Variants in RALGPS1 observed in about 807,000 individuals in gnomAD.
The protein encoded by RALGPS1 is Ral GEF with PH domain and SH3 binding motif 1, also known as ras-specific guanine nucleotide-releasing factor RalGPS1.
RALGPS1 carries 19 observed loss-of-function variants against 78.8 expected under a neutral mutation model. The ratio of observed to expected loss-of-function variants is 0.24; its 90% CI spans 0.17 to 0.35. The LOEUF (loss-of-function observed/expected upper bound fraction) is 0.35. Ranked by LOEUF, RALGPS1 falls within the 10% of genes least tolerant of loss-of-function variation. RALGPS1 has a pLI of 1.00. For synonymous variants in RALGPS1, 228 were observed against 256.3 expected (o/e 0.89, Z 1.06); for missense variants, 454 against 688.3 (o/e 0.66, Z 3.81).
chr9:126,933,702 C>A (rs1340554662), intron 1 of RALGPS1, among the ~76,000 whole-genome samples: 1 of 152,040 alleles, frequency 6.6e-6, no homozygotes, highest in Non-Finnish European at 1.5e-5. Context: ...TGGTGGTGCA[C>A]AGGTGTAGAG....
intron 3 of RALGPS1, among the ~76,000 whole-genome samples, chr9:126,972,314 G>A (rs2040196657): frequency 6.6e-6 from 1 of 152,088 alleles, no homozygotes; most frequent in Non-Finnish European, 1.5e-5. Flanking sequence ...CTTAAAAACT[G>A]GTAAATATGA....
chr9:126,946,284 C>G (rs1400127293), intron 1 of RALGPS1, among the ~76,000 whole-genome samples: 1 of 152,116 alleles, frequency 6.6e-6, no homozygotes, highest in African/African-American at 2.4e-5. Context: ...GAGGCTCATG[C>G]CTCACTCGGG....
chr9:127,208,849 C>T (rs1017153021), intron 14 of RALGPS1, among the ~76,000 whole-genome samples: 2 of 152,206 alleles, frequency 1.3e-5, no homozygotes, highest in Non-Finnish European at 2.9e-5. Flanking sequence ...CACTGTCTCA[C>T]GCAAAGGGAG....
rs563225595 is a variant in RALGPS1, at chr9:127,001,816, G to A, written c.216+24071G>A. Among the ~76,000 whole-genome samples the A allele has an allele frequency of 8.5e-5, 13 of 152,228 alleles. No individual in the cohort carries two copies. The East Asian group carries it at 1.7e-3, about 20-fold the overall frequency. On this transcript the variant is annotated intron_variant, in intron 4 of 18. Transcript: ENST00000259351. ...GGAGAATTGCTTGAACCTGGGAGGCGGAGGTTGCAGTGAGCCGAGATCGTG... is the reference window on the plus strand; with the variant it reads ...GGAGAATTGCTTGAACCTGGGAGGCAGAGGTTGCAGTGAGCCGAGATCGTG...
intron 5 of RALGPS1, among the ~76,000 whole-genome samples, chr9:127,048,467 T>C (rs17446804): frequency 0.38 from 57,907 of 152,046 alleles, 12,756 homozygotes; most frequent in Non-Finnish European, 0.48. Context: ...GCCTCCTCCT[T>C]TGGTCACCTC....
At chr9:127,058,484 G>C (rs2048932751) in intron 7 of RALGPS1, among the ~76,000 whole-genome samples, 1 of 152,140 alleles carries the variant, frequency 6.6e-6, no homozygotes, top group Non-Finnish European at 1.5e-5. Context: ...GCAGGATCAG[G>C]GTATGGCTGG....
rs570101150 is a variant in RALGPS1, at chr9:127,034,422, G to C, written c.217-9G>C. ...GAATCACTGTTGAAATTCATTCTGT[G>C]CTTCCTAGGAACTAGCCAGCTGTGG... On this transcript the variant is annotated splice_polypyrimidine_tract_variant and intron_variant, in intron 4 of 18. Coordinates refer to ENST00000259351, the MANE Select transcript of RALGPS1 (RefSeq NM_014636.3). 10 of 1,612,828 alleles carry C rather than the reference G, an allele frequency of 6.2e-6. No individual in the cohort carries two copies. The highest frequency in any genetic ancestry group is 1.7e-6 in the Non-Finnish European group (2 of 1,179,008).
intron 4 of RALGPS1, among the ~76,000 whole-genome samples, chr9:126,979,156 C>G (rs17446161): frequency 0.38 from 57,441 of 151,942 alleles, 12,685 homozygotes; most frequent in Non-Finnish European, 0.48. Context: ...ACCTAGTCTA[C>G]TAAAAATTAG....
At chr9:126,999,452 A>C (rs7847182) in intron 4 of RALGPS1, among the ~76,000 whole-genome samples, 2,311 of 152,314 alleles carry the variant, frequency 0.015, 62 homozygotes, top group African/African-American at 0.053. Flanking sequence ...TAGTTTTACT[A>C]TTCTAAAATC....
chr9:126,984,713 A>G (rs1023955010), intron 4 of RALGPS1, among the ~76,000 whole-genome samples: 2 of 152,152 alleles, frequency 1.3e-5, no homozygotes, highest in African/African-American at 4.8e-5. Flanking sequence ...TGGCTCCTGT[A>G]TCCTTTTAAT....
Position 127,218,287 on chromosome 9 carries a change from T to C in RALGPS1, c.1645-453T>C, listed in dbSNP as rs2062679855. ...ATCCCTGAACTGACTCTTTCTCCCATGCTTCCCTTTGCCAACTCCAGCCAC... is the reference window on the plus strand; with the variant it reads ...ATCCCTGAACTGACTCTTTCTCCCACGCTTCCCTTTGCCAACTCCAGCCAC... On this transcript the variant is annotated intron_variant, in intron 18 of 18. Coordinates refer to ENST00000259351, the MANE Select transcript of RALGPS1 (RefSeq NM_014636.3). The surrounding 1 kb of genome is among the most constrained non-coding windows in gnomAD (Gnocchi z 4.4). 6.6e-6 allele frequency among the ~76,000 whole-genome samples: 1 copy of C among 152,174 alleles called. No individual in the cohort carries two copies. The highest frequency in any genetic ancestry group is 1.5e-5 in the Non-Finnish European group (1 of 68,026).
At chr9:127,047,840 T>G (rs1292540956) in intron 5 of RALGPS1, among the ~76,000 whole-genome samples, 4 of 152,236 alleles carry the variant, frequency 2.6e-5, no homozygotes, top group Admixed American at 2.6e-4. Flanking sequence ...ATTCCTTGTT[T>G]TCTTCATCAA....
chr9:127,209,739 C>A (rs2062134036), intron 14 of RALGPS1, among the ~76,000 whole-genome samples: 2 of 152,074 alleles, frequency 1.3e-5, no homozygotes, highest in Admixed American at 6.5e-5. Context: ...GGGAGGAGGA[C>A]AAAGGCCCCT....
intron 8 of RALGPS1, among the ~76,000 whole-genome samples, chr9:127,163,237 G>A (rs2059118413): frequency 6.6e-6 from 1 of 152,210 alleles, no homozygotes; most frequent in South Asian, 2.1e-4. Flanking sequence ...TGTGGTTGAA[G>A]CAGTAATAGC....
intron 4 of RALGPS1, chr9:126,977,968 GCAGTTGGTACCCA>G (rs2040841904): frequency 2.4e-6 from 1 of 419,174 alleles, no homozygotes; most frequent in Non-Finnish European, 4.2e-6. Flanking sequence ...AGGGCTGGGA[GCAGTTGGTACCCA>G]CAGGACTCCA....
chr9:126,918,218 C>T (rs1313490253), intron 1 of RALGPS1, among the ~76,000 whole-genome samples: 1 of 152,230 alleles, frequency 6.6e-6, no homozygotes, highest in Non-Finnish European at 1.5e-5. Flanking sequence ...GGTTTCATTT[C>T]ATCACACATT....
chr9:127,166,245 C>T, intron 9 of RALGPS1, 39 bp downstream of exon 9: 1 of 1,606,860 alleles, frequency 6.2e-7, no homozygotes, highest in South Asian at 1.1e-5. Flanking sequence ...AATCTTACGT[C>T]ATTGAAATTT....
intron 4 of RALGPS1, among the ~76,000 whole-genome samples, chr9:127,010,124 C>T (rs1255282237): frequency 6.6e-6 from 1 of 152,144 alleles, no homozygotes; most frequent in African/African-American, 2.4e-5. Context: ...GTCTGGCAAG[C>T]CAACTTGACC....
At chr9:127,066,668 A>G (rs115582523) in intron 7 of RALGPS1, among the ~76,000 whole-genome samples, 5 of 152,176 alleles carry the variant, frequency 3.3e-5, no homozygotes, top group African/African-American at 7.2e-5. Context: ...ACAAACCACA[A>G]TGGAGCTGTT....
Sources: gnomAD v4.1 joint callset for allele counts (sites outside exome capture counted in the v4.1 genomes callset) on GRCh38, gnomAD v4.1.1 for gene constraint, Gnocchi (gnomAD v3.1) non-coding constraint, MANE v1.5 for transcripts, NCBI Gene and HGNC (gene_info 2026-07-23, HGNC 2026-07-21) for gene names.